Variants in DENND4C observed in about 807,000 individuals in gnomAD.
DENND4C encodes the protein DENN domain containing 4C.
DENND4C carries 108 observed loss-of-function variants against 203.0 expected under a neutral mutation model. That is an observed-to-expected ratio of 0.53 (90% CI 0.46 to 0.62). The LOEUF (loss-of-function observed/expected upper bound fraction) is 0.62, where lower values mean the gene tolerates loss of function less well. Ranked by LOEUF, DENND4C falls within the 20% of genes least tolerant of loss-of-function variation. The pLI is 0.00. For synonymous variants in DENND4C, 871 were observed against 792.4 expected (o/e 1.10, Z -1.67); for missense variants, 2,481 against 2,301.2 (o/e 1.08, Z -1.60).
intron 31 of DENND4C, 148 bp downstream of exon 31, chr9:19,370,135 C>T: frequency 1.0e-6 from 1 of 960,434 alleles, no homozygotes; most frequent in Admixed American, 2.2e-5. Context: ...CAGATATATA[C>T]ATTCCTACTT....
intron 12 of DENND4C, among the ~76,000 whole-genome samples, chr9:19,323,841 C>A (rs1425518576): frequency 6.6e-6 from 1 of 152,024 alleles, no homozygotes; most frequent in Admixed American, 6.6e-5. Context: ...AAGTATTTTT[C>A]GTGGTTTAAT....
Position 19,283,611 on chromosome 9 carries a change from T to TTTC in DENND4C, c.306-3156_306-3155insCTT, listed in dbSNP as rs201648661. ...ATCAGATGCATTTCTTTTTTCTTTC[T>TTTC]TTTTTTTTTTTTTTTTTGAGACAGA... On this transcript the variant is annotated intron_variant, in intron 2 of 32. Coordinates refer to ENST00000434457, the MANE Select transcript of DENND4C (RefSeq NM_001330640.2). 1.4e-4 allele frequency among the ~76,000 whole-genome samples: 4 copies of TTTC among 29,282 alleles called. No homozygotes were observed. In the East Asian group the frequency reaches 2.7e-3, roughly 20 times the overall value. The allele number at this position is 29,282 out of a possible 152,430, so 19.2% of individuals were successfully genotyped here.
At chr9:19,297,198 G>A (rs903044170) in intron 6 of DENND4C, among the ~76,000 whole-genome samples, 2 of 152,118 alleles carry the variant, frequency 1.3e-5, no homozygotes, top group Non-Finnish European at 1.5e-5. Context: ...TACAATTTCA[G>A]AACTTTTACA....
At chr9:19,267,774 A>G (rs1341534049) in intron 1 of DENND4C, among the ~76,000 whole-genome samples, 1 of 152,030 alleles carries the variant, frequency 6.6e-6, no homozygotes, top group African/African-American at 2.4e-5. Context: ...CCTGGGGTCT[A>G]GCAATCCTCC....
intron 12 of DENND4C, among the ~76,000 whole-genome samples, chr9:19,319,383 T>C (rs866417412): frequency 0.022 from 2,979 of 133,302 alleles, 147 homozygotes; most frequent in African/African-American, 0.097. Flanking sequence ...TACACATACA[T>C]ATATATATAC....
chr9:19,290,701 A>T lies in DENND4C; in HGVS notation c.629-3A>T. ...AATTTATTGTTGTCTCATTCTTCAA[A>T]AGGTTTAATTTTTAGATATCCAGAA... On this transcript the variant is annotated splice_region_variant and splice_polypyrimidine_tract_variant and intron_variant, in intron 4 of 32. Transcript: ENST00000434457. 1 of 1,422,066 alleles carries T rather than the reference A, an allele frequency of 7.0e-7. No homozygotes were observed. The highest frequency in any genetic ancestry group is 1.7e-5 in the South Asian group (1 of 57,944). The allele number at this position is 1,422,066 out of a possible 1,614,324, so 88.1% of individuals were successfully genotyped here.
At chr9:19,342,510 CTAAAG>C (rs1821883484) in intron 21 of DENND4C, 118 bp from the exon 22 acceptor site, 1 of 1,020,286 alleles carries the variant, frequency 9.8e-7, no homozygotes, top group Admixed American at 3.2e-5. Context: ...TACTTTGTGT[CTAAAG>C]TAAAATAGAC....
intron 10 of DENND4C, among the ~76,000 whole-genome samples, chr9:19,312,990 T>C (rs910749537): frequency 1.3e-5 from 2 of 152,236 alleles, no homozygotes; most frequent in African/African-American, 4.8e-5. Context: ...AGTCCATTAA[T>C]TTACATATAT....
At chr9:19,327,394 T>G (rs1818047921) in intron 15 of DENND4C, among the ~76,000 whole-genome samples, 2 of 152,054 alleles carry the variant, frequency 1.3e-5, no homozygotes, top group African/African-American at 4.8e-5. Context: ...AATGTATGTT[T>G]AAGTATAATC....
chr9:19,274,301 CT>C (rs1205586235), intron 1 of DENND4C, among the ~76,000 whole-genome samples: 41 of 146,320 alleles, frequency 2.8e-4, no homozygotes, highest in Non-Finnish European at 2.7e-4. Context: ...ATGTTTCTTT[CT>C]TTTTTTTTTT....
chr9:19,254,322 T>A (rs1404215920), intron 1 of DENND4C, among the ~76,000 whole-genome samples: 1 of 152,228 alleles, frequency 6.6e-6, no homozygotes, highest in Non-Finnish European at 1.5e-5. Context: ...ATAGCTGAGA[T>A]GTGGAAGTAA....
intron 1 of DENND4C, among the ~76,000 whole-genome samples, chr9:19,271,567 A>G (rs1017906031): frequency 6.6e-6 from 1 of 152,162 alleles, no homozygotes; most frequent in African/African-American, 2.4e-5. Flanking sequence ...AACAGTTTTG[A>G]AAAAGAACAG....
intron 1 of DENND4C, among the ~76,000 whole-genome samples, chr9:19,253,616 T>C (rs555717888): frequency 7.2e-5 from 11 of 152,356 alleles, no homozygotes; most frequent in African/African-American, 2.6e-4. Flanking sequence ...AAGTTCATCA[T>C]TCATTTTGCA....
At chr9:19,279,436 A>G (rs56286908) in intron 2 of DENND4C, among the ~76,000 whole-genome samples, 37,248 of 151,994 alleles carry the variant, frequency 0.25, 4,708 homozygotes, top group East Asian at 0.43. Context: ...GCACTTTGGG[A>G]GGCGGAGGCA....
At chr9:19,309,402 A>G (rs546038909) in intron 10 of DENND4C, among the ~76,000 whole-genome samples, 1 of 151,862 alleles carries the variant, frequency 6.6e-6, no homozygotes, top group East Asian at 1.9e-4. Context: ...AGCCTGGGCA[A>G]TAAGAGCAAA....
intron 13 of DENND4C, among the ~76,000 whole-genome samples, chr9:19,325,455 A>T (rs922722979): frequency 6.6e-6 from 1 of 152,172 alleles, no homozygotes; most frequent in African/African-American, 2.4e-5. Flanking sequence ...GAATATTATG[A>T]CATTAATTTT....
chr9:19,347,136 T>TATA (rs1273201586), intron 23 of DENND4C, 50 bp downstream of exon 23: 1 of 1,485,206 alleles, frequency 6.7e-7, no homozygotes, highest in Non-Finnish European at 9.2e-7. Context: ...GTGTTTATAG[T>TATA]ATCTTTCTAG....
chr9:19,343,839 G>A (rs1468155814), intron 22 of DENND4C, among the ~76,000 whole-genome samples: 2 of 152,108 alleles, frequency 1.3e-5, no homozygotes, highest in African/African-American at 2.4e-5. Context: ...CGAAGGGCGA[G>A]GATAATGGGG....
At chr9:19,337,585 A>G (rs1820760878) in intron 20 of DENND4C, 2 of 1,247,690 alleles carry the variant, frequency 1.6e-6, no homozygotes, top group Non-Finnish European at 2.1e-6. Context: ...CTTGGCTGTC[A>G]TGGTGTGGGG....
Sources: allele counts gnomAD v4.1 joint callset (sites outside exome capture counted in the v4.1 genomes callset), GRCh38; gene constraint gnomAD v4.1.1; transcripts MANE v1.5; gene names NCBI Gene and HGNC (gene_info 2026-07-23, HGNC 2026-07-21).